The following CCDC171 variants were observed in gnomAD, a reference collection of about 807,000 sequenced individuals.
CCDC171 encodes the protein coiled-coil domain-containing protein 171.
CCDC171 carries 177 observed loss-of-function variants against 168.2 expected under a neutral mutation model. The observed-to-expected ratio is 1.05, with a 90% CI of 0.93 to 1.19. CCDC171 has a LOEUF of 1.19. Ranked by LOEUF, CCDC171 falls within the 50% of genes most tolerant of loss-of-function variation. CCDC171 has a pLI of 0.00. For missense variants in CCDC171, 1,991 were observed against 1,539.0 expected (o/e 1.29, Z -4.91); for synonymous variants, 687 against 540.8 (o/e 1.27, Z -3.75).
chr9:16,012,543 A>T (rs1589324734), intron 3 of CCDC171, among the ~76,000 whole-genome samples: 1 of 145,782 alleles, frequency 6.9e-6, no homozygotes, highest in South Asian at 2.2e-4. Context: ...TTTCTATTGA[A>T]TTTTTTTTTT....
Position 15,972,008 on chromosome 9 carries a change from G to T in CCDC171, c.*172G>T. ...CTCTGTCTCCTTGAATAAGGAAATA[G>T]CCAACTTTTTTCTCTCCAAGTTTTA... On this transcript the variant is annotated 3_prime_UTR_variant, in exon 26 of 26. Transcript: ENST00000380701. 1 of 531,442 alleles carries T rather than the reference G, an allele frequency of 1.9e-6. No homozygotes were observed. Among genetic ancestry groups the T allele is most frequent in the Non-Finnish European group, 3.3e-6 (1 of 305,196 alleles). The allele number at this position is 531,442 out of a possible 1,614,324, so 32.9% of individuals were successfully genotyped here.
intron 25 of CCDC171, among the ~76,000 whole-genome samples, chr9:15,962,931 G>A (rs1165764890): frequency 2.6e-5 from 4 of 151,276 alleles, no homozygotes; most frequent in African/African-American, 9.7e-5. Context: ...ATAAACACAT[G>A]TATACATTTT....
At chr9:15,666,069 A>G (rs1228715052) in intron 8 of CCDC171, 94 bp from the exon 9 acceptor site, 1 of 1,088,298 alleles carries the variant, frequency 9.2e-7, no homozygotes, top group Admixed American at 2.4e-5. Context: ...GCTTGGATGA[A>G]TGATAATCTG....
chr9:16,008,548 A>G (rs16923218), intron 3 of CCDC171, among the ~76,000 whole-genome samples: 5 of 152,122 alleles, frequency 3.3e-5, no homozygotes, highest in African/African-American at 9.7e-5. Context: ...GGAAATGCTT[A>G]GGCGTCTCAT....
intron 6 of CCDC171, among the ~76,000 whole-genome samples, chr9:16,030,390 A>G (rs1042558123): frequency 3.9e-5 from 6 of 152,180 alleles, no homozygotes; most frequent in Non-Finnish European, 1.5e-5. Flanking sequence ...TTATGTACAT[A>G]TTTGTTGTTT....
chr9:15,912,796 C>T (rs1431073725), intron 24 of CCDC171, among the ~76,000 whole-genome samples: 1 of 152,112 alleles, frequency 6.6e-6, no homozygotes, highest in Non-Finnish European at 1.5e-5. Flanking sequence ...TTGAGATAAT[C>T]ATGTGGTTTT....
At chr9:16,006,485 G>A (rs548315628) in intron 3 of CCDC171, among the ~76,000 whole-genome samples, 1 of 152,022 alleles carries the variant, frequency 6.6e-6, no homozygotes, top group Non-Finnish European at 1.5e-5. Context: ...CAACGTGCAG[G>A]TTTGTTACAT....
At chr9:15,984,438 GTA>G (rs765557276) in intron 3 of CCDC171, among the ~76,000 whole-genome samples, 131 of 150,640 alleles carry the variant, frequency 8.7e-4, no homozygotes, top group African/African-American at 2.4e-3. Flanking sequence ...ATGTGTGTGT[GTA>G]TATATATATA....
intron 25 of CCDC171, among the ~76,000 whole-genome samples, chr9:15,954,181 A>C: frequency 8.1e-6 from 1 of 122,956 alleles, no homozygotes; most frequent in African/African-American, 2.9e-5. Flanking sequence ...TATTTTGTTT[A>C]TCTCTTCTCT....
chr9:15,728,197 GC>G (rs1356394461), intron 15 of CCDC171, among the ~76,000 whole-genome samples, 161 bp downstream of exon 15: 1 of 152,108 alleles, frequency 6.6e-6, no homozygotes, highest in East Asian at 1.9e-4. Flanking sequence ...TCAGTTTGAT[GC>G]CATTGCTGTG....
chr9:15,776,703 T>C (rs1334293804), intron 18 of CCDC171, among the ~76,000 whole-genome samples: 1 of 152,244 alleles, frequency 6.6e-6, no homozygotes, highest in Non-Finnish European at 1.5e-5. Flanking sequence ...TCTCAGTCAA[T>C]GTTGCTCTTC....
chr9:15,628,265 C>T (rs1231953626), intron 7 of CCDC171, among the ~76,000 whole-genome samples: 1 of 151,942 alleles, frequency 6.6e-6, no homozygotes, highest in Non-Finnish European at 1.5e-5. Context: ...ACGGAGTTCC[C>T]TTTCCTAGTC....
chr9:15,558,118 T>C (rs2038966570), intron 1 of CCDC171, among the ~76,000 whole-genome samples: 2 of 152,178 alleles, frequency 1.3e-5, no homozygotes, highest in South Asian at 4.1e-4. Context: ...AGCTTTTTGA[T>C]GTGCTGCTGG....
chr9:15,850,878 A>G (rs974619802), intron 23 of CCDC171, among the ~76,000 whole-genome samples: 1 of 152,006 alleles, frequency 6.6e-6, no homozygotes, highest in African/African-American at 2.4e-5. Flanking sequence ...AAAAATGGAT[A>G]TGGATACATC....
At chr9:15,956,594 A>T (rs1488575463) in intron 25 of CCDC171, among the ~76,000 whole-genome samples, 1 of 152,204 alleles carries the variant, frequency 6.6e-6, no homozygotes, top group Non-Finnish European at 1.5e-5. Context: ...AAAACTGATT[A>T]TATGCTTAGA....
chr9:15,558,971 T>A (rs1029652693), intron 1 of CCDC171, among the ~76,000 whole-genome samples: 1 of 152,206 alleles, frequency 6.6e-6, no homozygotes, highest in Non-Finnish European at 1.5e-5. Flanking sequence ...TCTTTATTTC[T>A]GCCTTCATTT....
chr9:15,939,834 GA>G (rs1260053428), intron 25 of CCDC171, among the ~76,000 whole-genome samples: 2 of 151,750 alleles, frequency 1.3e-5, no homozygotes, highest in African/African-American at 2.4e-5. Flanking sequence ...AGACACCCCG[GA>G]ACAAATGATC....
the CCDC171 span, among the ~76,000 whole-genome samples, chr9:16,100,004 A>G: frequency 1.8e-5 from 1 of 56,992 alleles, no homozygotes; most frequent in South Asian, 4.5e-4. Context: ...CTTTCAAGTT[A>G]AAAAAAAAAA....
the CCDC171 span, among the ~76,000 whole-genome samples, chr9:16,098,782 T>C: frequency 6.6e-6 from 1 of 152,238 alleles, no homozygotes; most frequent in Admixed American, 6.5e-5. Context: ...CTATGGAATA[T>C]TCCCCCTTTG....
Sources: allele counts gnomAD v4.1 joint callset (sites outside exome capture counted in the v4.1 genomes callset), GRCh38; gene constraint gnomAD v4.1.1; transcripts MANE v1.5; gene names NCBI Gene and HGNC (gene_info 2026-07-23, HGNC 2026-07-21).